The following KCNJ6 variants were observed in gnomAD, a reference collection of about 807,000 sequenced individuals.
KCNJ6 encodes potassium inwardly rectifying channel subfamily J member 6.
Under a neutral mutation model 34.2 loss-of-function variants are expected in KCNJ6, and 9 were observed. The ratio of observed to expected loss-of-function variants is 0.26; its 90% CI spans 0.16 to 0.46. The LOEUF (loss-of-function observed/expected upper bound fraction) is 0.46, where lower values mean the gene tolerates loss of function less well. Ranked by LOEUF, KCNJ6 falls within the 20% of genes least tolerant of loss-of-function variation. The probability of loss-of-function intolerance (pLI) is 1.00; values close to 1 mark genes in which losing one functional copy is unlikely to be tolerated. For synonymous variants in KCNJ6, 196 were observed against 207.1 expected (o/e 0.95, Z 0.46); for missense variants, 236 against 531.3 (o/e 0.44, Z 5.46).
intron 2 of KCNJ6, among the ~76,000 whole-genome samples, chr21:37,795,867 T>C (rs1008580392): frequency 6.6e-6 from 1 of 152,166 alleles, no homozygotes; most frequent in Non-Finnish European, 1.5e-5. Context: ...ATTATTTTTA[T>C]TATGCCCATC....
chr21:37,635,549 C>G (rs2054353985), intron 3 of KCNJ6, among the ~76,000 whole-genome samples: 1 of 151,842 alleles, frequency 6.6e-6, no homozygotes, highest in African/African-American at 2.4e-5. Context: ...CAGGGTCTCT[C>G]TCTGTTGCCC....
At chr21:37,707,386 G>A (rs927990934) in intron 3 of KCNJ6, among the ~76,000 whole-genome samples, 2 of 152,172 alleles carry the variant, frequency 1.3e-5, no homozygotes, top group African/African-American at 2.4e-5. Flanking sequence ...GAGATGATCT[G>A]CTCTAATGGA....
intron 3 of KCNJ6, among the ~76,000 whole-genome samples, chr21:37,672,015 T>C (rs953596307): frequency 1.3e-5 from 2 of 152,230 alleles, no homozygotes; most frequent in Non-Finnish European, 2.9e-5. Context: ...GAACTAGTTT[T>C]ACTTCTTTCC....
chr21:37,795,744 A>C (rs893136182), intron 2 of KCNJ6, among the ~76,000 whole-genome samples: 10 of 151,414 alleles, frequency 6.6e-5, no homozygotes, highest in South Asian at 2.1e-4. Flanking sequence ...CAAAAAAAAA[A>C]AAACAAAAAA....
chr21:37,727,900 A>ACAC (rs1413375053), intron 2 of KCNJ6, among the ~76,000 whole-genome samples: 1 of 152,162 alleles, frequency 6.6e-6, no homozygotes, highest in African/African-American at 2.4e-5. Flanking sequence ...TCTAGCAACA[A>ACAC]CAACAACAAC....
chr21:37,651,153 T>C (rs1009651377), intron 3 of KCNJ6, among the ~76,000 whole-genome samples: 2 of 152,136 alleles, frequency 1.3e-5, no homozygotes, highest in African/African-American at 4.8e-5. Flanking sequence ...TTGGTGTCAC[T>C]TGGGAGTAGG....
chr21:37,663,595 G>C (rs9984643), intron 3 of KCNJ6, among the ~76,000 whole-genome samples: 1 of 151,946 alleles, frequency 6.6e-6, no homozygotes, highest in Non-Finnish European at 1.5e-5. Context: ...CAGTGGTATA[G>C]CTATACTAAT....
chr21:37,772,210 A>G (rs1388942575), intron 2 of KCNJ6, among the ~76,000 whole-genome samples: 3 of 152,220 alleles, frequency 2.0e-5, no homozygotes, highest in Non-Finnish European at 4.4e-5. Flanking sequence ...TGAAAAAAGG[A>G]TATTCATGTC....
intron 3 of KCNJ6, among the ~76,000 whole-genome samples, chr21:37,684,802 C>G (rs2054605990): frequency 6.6e-6 from 1 of 152,116 alleles, no homozygotes; most frequent in Non-Finnish European, 1.5e-5. Context: ...AGATCTCAGT[C>G]TAAAAATTAA....
chr21:37,668,366 C>T (rs534013956), intron 3 of KCNJ6, among the ~76,000 whole-genome samples: 1 of 152,284 alleles, frequency 6.6e-6, no homozygotes, highest in East Asian at 1.9e-4. Flanking sequence ...TAACACAGTT[C>T]TCTCTCCTTG....
intron 2 of KCNJ6, among the ~76,000 whole-genome samples, chr21:37,731,082 T>C (rs953796170): frequency 1.4e-4 from 18 of 127,294 alleles, no homozygotes; most frequent in African/African-American, 5.6e-4. Flanking sequence ...CTTTCTGCCA[T>C]TGCAGATAGA....
intron 2 of KCNJ6, among the ~76,000 whole-genome samples, chr21:37,769,959 G>A (rs1466913950): frequency 6.6e-6 from 1 of 152,128 alleles, no homozygotes; most frequent in African/African-American, 2.4e-5. Flanking sequence ...GAACCTACTG[G>A]TGCCTTGATC....
At chr21:37,833,164 G>A (rs1404267433) in intron 2 of KCNJ6, among the ~76,000 whole-genome samples, 1 of 152,082 alleles carries the variant, frequency 6.6e-6, no homozygotes, top group Non-Finnish European at 1.5e-5. Context: ...ACAGGCATGT[G>A]CCAACATGCC....
chr21:37,899,288 G>A (rs2055805094), intron 1 of KCNJ6, among the ~76,000 whole-genome samples: 1 of 152,194 alleles, frequency 6.6e-6, no homozygotes, highest in African/African-American at 2.4e-5. Flanking sequence ...TCTTGCACAT[G>A]TGAAACTAAT....
At chr21:37,805,143 A>G (rs1331776848) in intron 2 of KCNJ6, among the ~76,000 whole-genome samples, 2 of 152,098 alleles carry the variant, frequency 1.3e-5, no homozygotes, top group African/African-American at 4.8e-5. Flanking sequence ...ATAAAGACAG[A>G]GTTTCTTTTT....
chr21:37,631,512 C>T (rs2054333584), intron 3 of KCNJ6, among the ~76,000 whole-genome samples: 1 of 152,104 alleles, frequency 6.6e-6, no homozygotes, highest in Admixed American at 6.5e-5. Context: ...ATAGTTGAGG[C>T]CTCTGGACAA....
intron 2 of KCNJ6, among the ~76,000 whole-genome samples, chr21:37,737,247 T>C (rs1355081251): frequency 6.6e-6 from 1 of 152,098 alleles, no homozygotes. Context: ...GGGGTCAGAG[T>C]GGCCAGAAGT....
At chr21:37,889,140 A>T (rs2123632471) in intron 1 of KCNJ6, among the ~76,000 whole-genome samples, 1 of 152,288 alleles carries the variant, frequency 6.6e-6, no homozygotes, top group African/African-American at 2.4e-5. Context: ...ACCACACGTG[A>T]CTGAGGGAAC....
Position 37,615,241 on chromosome 21 carries a change from A to ATTTTTT in KCNJ6, c.*9917_*9918insAAAAAA, listed in dbSNP as rs2054262036. The ATTTTTT allele has an allele frequency of 1.8e-5, 2 of 111,856 alleles. No individual in the cohort carries two copies. The highest frequency in any genetic ancestry group is 3.8e-5 in the African/African-American group (1 of 26,214). The allele number at this position is 111,856 out of a possible 1,614,324, so 6.9% of individuals were successfully genotyped here. On this transcript the variant is annotated 3_prime_UTR_variant, in exon 4 of 4. Coordinates refer to ENST00000609713, the MANE Select transcript of KCNJ6 (RefSeq NM_002240.5). ...CAGACCCTCGACTGACATTCCCAGC[A>ATTTTTT]TTCTTTTTTTTTTTTTTTTTTTTTT...
Sources: allele counts gnomAD v4.1 joint callset (sites outside exome capture counted in the v4.1 genomes callset), GRCh38; gene constraint gnomAD v4.1.1; transcripts MANE v1.5; gene names NCBI Gene and HGNC (gene_info 2026-07-23, HGNC 2026-07-21).